TNKS2: variants seen among roughly 807,000 people sequenced by gnomAD.
The protein encoded by TNKS2 is poly [ADP-ribose] polymerase tankyrase-2.
Under a neutral mutation model 137.6 loss-of-function variants are expected in TNKS2, and 72 were observed. The observed-to-expected ratio is 0.52, with a 90% CI of 0.43 to 0.64. The LOEUF is 0.64. TNKS2 is among the 30% of genes least tolerant of loss of function. TNKS2 has a pLI of 0.00. For synonymous variants in TNKS2, 516 were observed against 512.1 expected, an observed-to-expected ratio of 1.01 and a Z score of -0.10; for missense variants, 1,049 against 1,410.2, an observed-to-expected ratio of 0.74 and a Z score of 4.10.
chr10:91,834,322 TAAAG>T (rs1246013158), intron 12 of TNKS2, among the ~76,000 whole-genome samples: 1 of 152,218 alleles, frequency 6.6e-6, no homozygotes, highest in Non-Finnish European at 1.5e-5. Context: ...TATTTATTTT[TAAAG>T]AAAGGAATTT....
chr10:91,846,909 CA>C (rs2133662877), intron 18 of TNKS2, among the ~76,000 whole-genome samples: 1 of 152,290 alleles, frequency 6.6e-6, no homozygotes, highest in South Asian at 2.1e-4. Flanking sequence ...AGAGAACATA[CA>C]GGGGCTTTAG....
intron 2 of TNKS2, among the ~76,000 whole-genome samples, chr10:91,815,777 A>G (rs1417312156): frequency 6.6e-6 from 1 of 152,054 alleles, no homozygotes; most frequent in African/African-American, 2.4e-5. Context: ...GCACTGGTAT[A>G]TATAGGAGTA....
chr10:91,818,291 G>A (rs1344213408), intron 3 of TNKS2, among the ~76,000 whole-genome samples: 1 of 152,054 alleles, frequency 6.6e-6, no homozygotes, highest in African/African-American at 2.4e-5. Flanking sequence ...GTATTCATTT[G>A]TAAAAGTAAA....
intron 21 of TNKS2, among the ~76,000 whole-genome samples, chr10:91,852,143 G>A (rs549270577): frequency 6.6e-6 from 1 of 152,028 alleles, no homozygotes; most frequent in African/African-American, 2.4e-5. Context: ...CAGGAGAATG[G>A]CGTGAACCCG....
intron 9 of TNKS2, among the ~76,000 whole-genome samples, chr10:91,828,902 G>A (rs535287263): frequency 3.3e-5 from 5 of 152,228 alleles, no homozygotes; most frequent in Middle Eastern, 3.4e-3. Flanking sequence ...CTATGACAAA[G>A]TAGATGTGAG....
At position 91,863,752 on chromosome 10, in the gene TNKS2, A is replaced by G. The variant is rs1443065134; in HGVS notation, c.*753A>G. The G allele has an allele frequency of 1.3e-5, 2 of 152,182 alleles. No homozygotes were observed. Among genetic ancestry groups the G allele is most frequent in the South Asian group, 2.1e-4 (1 of 4,828 alleles). The allele number at this position is 152,182 out of a possible 1,614,324, so 9.4% of individuals were successfully genotyped here. A position where few individuals can be genotyped will look rare whatever the true frequency, so the allele number is the denominator to read the frequency against. On this transcript the variant is annotated 3_prime_UTR_variant, in exon 27 of 27. Coordinates refer to ENST00000371627, the MANE Select transcript of TNKS2 (RefSeq NM_025235.4). ...CTAACTATGATAGGTCCTGATTACT[A>G]AAGAAGCTTCTTTACTGGCCTCAAT... is the stretch of plus-strand genomic sequence containing the variant.
chr10:91,829,598 GTCTGGTC>G (rs1186999380), intron 9 of TNKS2, among the ~76,000 whole-genome samples: 3 of 152,162 alleles, frequency 2.0e-5, no homozygotes, highest in African/African-American at 7.2e-5. Context: ...AAAAAACCAT[GTCTGGTC>G]TCTGCGCTCT....
intron 1 of TNKS2, among the ~76,000 whole-genome samples, chr10:91,799,161 A>G (rs914009089): frequency 6.6e-6 from 1 of 152,126 alleles, no homozygotes. Flanking sequence ...TTACAGTATC[A>G]ACAATACCTG....
intron 9 of TNKS2, 54 bp from the exon 10 acceptor site, chr10:91,830,869 C>A: frequency 7.2e-7 from 1 of 1,386,898 alleles, no homozygotes; most frequent in South Asian, 1.3e-5. Context: ...CACGAATGTT[C>A]TTAAAATCAG....
intron 21 of TNKS2, 86 bp downstream of exon 21, chr10:91,851,422 T>A: frequency 2.8e-6 from 4 of 1,440,764 alleles, no homozygotes; most frequent in Non-Finnish European, 3.8e-6. Context: ...TTTAAAAATA[T>A]GAGAGAATCT....
intron 23 of TNKS2, among the ~76,000 whole-genome samples, chr10:91,856,381 A>G (rs1044428980): frequency 3.9e-5 from 6 of 152,346 alleles, no homozygotes; most frequent in Non-Finnish European, 5.9e-5. Context: ...CTAATACACA[A>G]ATGCTAAACT....
intron 1 of TNKS2, among the ~76,000 whole-genome samples, chr10:91,812,248 T>A (rs1166830545): frequency 6.6e-6 from 1 of 152,180 alleles, no homozygotes. Context: ...TTGAAACTCA[T>A]TGGTGCTAGA....
At chr10:91,820,302 G>A (rs1010556879) in intron 6 of TNKS2, among the ~76,000 whole-genome samples, 12 of 152,200 alleles carry the variant, frequency 7.9e-5, no homozygotes, top group Non-Finnish European at 1.6e-4. Context: ...GAGAGGGATA[G>A]CACTGCAGGA....
In TNKS2 at chr10:91,865,306, A is replaced by G. The variant is rs939021361; in HGVS notation, c.*2307A>G. The G allele has an allele frequency of 4.0e-4, 61 of 152,774 alleles. No individual in the cohort carries two copies. The highest frequency in any genetic ancestry group is 1.4e-3 in the African/African-American group (59 of 41,588). The allele number at this position is 152,774 out of a possible 1,614,324, so 9.5% of individuals were successfully genotyped here. On this transcript the variant is annotated 3_prime_UTR_variant, in exon 27 of 27. Transcript: ENST00000371627. ...TGGGTAGCATGGTAATTACTGGAATAGTATAAATGTGTTGAATGGTCTTTG... is the reference window on the plus strand; with the variant it reads ...TGGGTAGCATGGTAATTACTGGAATGGTATAAATGTGTTGAATGGTCTTTG...
rs140479161 is a variant in TNKS2 at position 91,837,689 on chromosome 10, G to A, written c.1527+691G>A. ...AGCCTGGCCAACATGGCGAAACCCC[G>A]TCTCTACTAAAGACACAAAAATTAG... On this transcript the variant is annotated intron_variant, in intron 13 of 26. Transcript: ENST00000371627. Among the ~76,000 whole-genome samples, 283 of 152,256 alleles carry A rather than the reference G, an allele frequency of 1.9e-3. 1 individual carries two copies. The highest frequency in any genetic ancestry group is 6.4e-3 in the African/African-American group (265 of 41,540).
At chr10:91,853,297 A>T (rs1049789753) in intron 21 of TNKS2, among the ~76,000 whole-genome samples, 3 of 152,346 alleles carry the variant, frequency 2.0e-5, no homozygotes, top group Non-Finnish European at 4.4e-5. Context: ...AGTCACTCTG[A>T]TACATCCAGC....
chr10:91,819,412 G>A, intron 4 of TNKS2, 70 bp from the exon 5 acceptor site: 1 of 1,376,624 alleles, frequency 7.3e-7, no homozygotes, highest in Non-Finnish European at 9.7e-7. Context: ...TTTTTTTAAT[G>A]GTTACAGTAC....
rs537019917 is a variant in TNKS2 at position 91,798,795 on chromosome 10, G to A, written c.105G>A (p.Gly35=). The A allele has an allele frequency of 4.6e-6, 6 of 1,304,700 alleles. No homozygotes were observed. The African/African-American group carries it at 7.6e-5, about 17-fold the overall frequency. 80.8% of individuals were successfully genotyped at this position (1,304,700 alleles called of 1,614,324 possible). A position where few individuals can be genotyped will look rare whatever the true frequency, so the allele number is the denominator to read the frequency against. The change falls in exon 1 of 27, where the codon GGG becomes GGA. Residue 35 remains glycine, a synonymous_variant. Coordinates refer to ENST00000371627, the MANE Select transcript of TNKS2 (RefSeq NM_025235.4). The stretch of plus-strand genomic sequence containing the variant: ...AGCTGTTCGAGGCGTGCCGCAACGG[G>A]GACGTGGAACGAGTCAAGAGGCTGG... ...ARELFEACRN[G]DVERVKRLVT... is the part of the protein sequence containing the mutation.
At chr10:91,838,185 G>A (rs1842091384) in intron 13 of TNKS2, among the ~76,000 whole-genome samples, 1 of 151,746 alleles carries the variant, frequency 6.6e-6, no homozygotes, top group Admixed American at 6.6e-5. Context: ...TATAAAGATA[G>A]AGGGAGTCCA....
Sources: allele counts gnomAD v4.1 joint callset (sites outside exome capture counted in the v4.1 genomes callset), GRCh38; gene constraint gnomAD v4.1.1; transcripts MANE v1.5; gene names NCBI Gene and HGNC (gene_info 2026-07-23, HGNC 2026-07-21).